Variants in PRKCE observed in about 807,000 individuals in gnomAD.
PRKCE encodes protein kinase C epsilon type.
Under a neutral mutation model 85.4 loss-of-function variants are expected in PRKCE, and 16 were observed. The ratio of observed to expected loss-of-function variants is 0.19; its 90% CI spans 0.13 to 0.28. The LOEUF is 0.28. PRKCE is among the 10% of genes least tolerant of loss of function. PRKCE has a pLI of 1.00. For missense variants in PRKCE, 573 were observed against 975.2 expected (o/e 0.59, Z 5.49); for synonymous variants, 388 against 371.5 (o/e 1.04, Z -0.51).
intron 6 of PRKCE, among the ~76,000 whole-genome samples, chr2:45,999,595 C>G (rs922981685): frequency 6.6e-6 from 1 of 151,552 alleles, no homozygotes; most frequent in Non-Finnish European, 1.5e-5. Flanking sequence ...TGGCATTTAT[C>G]CTGTGTGGTG....
At chr2:46,109,337 C>T (rs114310886) in intron 11 of PRKCE, among the ~76,000 whole-genome samples, 1 of 152,088 alleles carries the variant, frequency 6.6e-6, no homozygotes, top group South Asian at 2.1e-4. Context: ...CATGAAATAA[C>T]TCTTTATTTA....
chr2:45,689,127 C>G (rs1203661776), intron 1 of PRKCE, among the ~76,000 whole-genome samples: 1 of 152,180 alleles, frequency 6.6e-6, no homozygotes, highest in East Asian at 1.9e-4. Flanking sequence ...TTAGGGATCA[C>G]TTATTTGCTT....
chr2:46,136,800 A>G (rs1036330422), intron 11 of PRKCE, among the ~76,000 whole-genome samples: 2 of 152,182 alleles, frequency 1.3e-5, no homozygotes, highest in African/African-American at 4.8e-5. Context: ...GTCACTCCCC[A>G]GTCCCGGGGA....
chr2:45,718,564 G>C (rs1460301376), intron 1 of PRKCE, among the ~76,000 whole-genome samples: 1 of 151,996 alleles, frequency 6.6e-6, no homozygotes, highest in African/African-American at 2.4e-5. Context: ...GGATGGTCTT[G>C]ATCTCCTTAC....
intron 10 of PRKCE, chr2:46,073,769 T>C (rs1468411084): frequency 6.6e-6 from 1 of 152,074 alleles, no homozygotes; most frequent in East Asian, 1.9e-4. Context: ...TGTGGTTGAA[T>C]TTACCAGGCA....
In PRKCE at chr2:46,184,885, C is replaced by T; in HGVS notation, c.*4C>T. 3 of 1,599,650 alleles carry T rather than the reference C, an allele frequency of 1.9e-6. No homozygotes were observed. Among genetic ancestry groups the T allele is most frequent in the Non-Finnish European group, 2.5e-6 (3 of 1,179,882 alleles). On this transcript the variant is annotated 3_prime_UTR_variant, in exon 15 of 15. Transcript: ENST00000306156. The surrounding 1 kb of genome is among the most constrained non-coding windows in gnomAD (Gnocchi z 5.0). Reference sequence around the variant, plus strand: ...TGGTGAAGACCTGATGCCCTGAGAGCCCACTGCAGTTGGACTTTGCCGATG... The same window carrying T: ...TGGTGAAGACCTGATGCCCTGAGAGTCCACTGCAGTTGGACTTTGCCGATG...
At chr2:45,783,107 C>T (rs542886356) in intron 1 of PRKCE, among the ~76,000 whole-genome samples, 26 of 152,338 alleles carry the variant, frequency 1.7e-4, no homozygotes, top group Middle Eastern at 6.8e-3. Context: ...TGTGCACTCC[C>T]AGGCTGGTGC....
chr2:46,175,596 T>C (rs1276130416), intron 14 of PRKCE, among the ~76,000 whole-genome samples: 1 of 152,184 alleles, frequency 6.6e-6, no homozygotes, highest in Non-Finnish European at 1.5e-5. Context: ...GCCACAAAGT[T>C]AGTAACTGGA....
At chr2:46,037,129 T>G (rs1263088537) in intron 10 of PRKCE, among the ~76,000 whole-genome samples, 3 of 152,206 alleles carry the variant, frequency 2.0e-5, no homozygotes, top group Non-Finnish European at 4.4e-5. Flanking sequence ...ACTATCACTC[T>G]GCCAGGGCCC....
At chr2:46,021,271 G>C (rs1056655055) in intron 10 of PRKCE, among the ~76,000 whole-genome samples, 4 of 152,202 alleles carry the variant, frequency 2.6e-5, no homozygotes, top group Admixed American at 6.5e-5. Flanking sequence ...TACTCTGCTA[G>C]GCAAGGAGTT....
intron 2 of PRKCE, among the ~76,000 whole-genome samples, chr2:45,893,307 A>T (rs1479762220): frequency 1.3e-5 from 2 of 151,418 alleles, no homozygotes; most frequent in African/African-American, 2.4e-5. Flanking sequence ...GTTCCTCAGG[A>T]TCATCTCCCA....
In PRKCE at chr2:46,154,384, T is replaced by C. The variant is rs549615856; in HGVS notation, c.1920+3155T>C. ...GGGCCTCTCACTCCGAGAATGGTTC[T>C]TGCTACTCGTGGAAATTACTTCTGT... On this transcript the variant is annotated intron_variant, in intron 13 of 14. Transcript: ENST00000306156. Among the ~76,000 whole-genome samples the C allele has an allele frequency of 3.1e-3, 479 of 152,188 alleles. 3 individuals are homozygous for C. Among genetic ancestry groups the C allele is most frequent in the Middle Eastern group, 0.01 (3 of 292 alleles).
At chr2:45,805,828 G>T (rs1441145517) in intron 1 of PRKCE, among the ~76,000 whole-genome samples, 1 of 152,076 alleles carries the variant, frequency 6.6e-6, no homozygotes, top group Non-Finnish European at 1.5e-5. Flanking sequence ...TGAACCCCTG[G>T]CCTCAAGTGA....
intron 6 of PRKCE, among the ~76,000 whole-genome samples, chr2:45,993,194 T>G (rs531614343): frequency 6.6e-6 from 1 of 152,192 alleles, no homozygotes; most frequent in Non-Finnish European, 1.5e-5. Context: ...TTAATGCAAA[T>G]GCATCTCAGG....
intron 6 of PRKCE, among the ~76,000 whole-genome samples, chr2:45,989,626 C>T (rs1703634403): frequency 6.7e-6 from 1 of 148,368 alleles, no homozygotes; most frequent in Non-Finnish European, 1.5e-5. Flanking sequence ...GCCTGTCTCC[C>T]TCCTTCCTTC....
chr2:45,904,939 G>A (rs1393910073), intron 2 of PRKCE, among the ~76,000 whole-genome samples: 3 of 152,194 alleles, frequency 2.0e-5, no homozygotes, highest in African/African-American at 7.2e-5. Context: ...GGGGGTCCAC[G>A]TGTGAGGTCC....
chr2:46,173,596 C>T (rs1283346307), intron 14 of PRKCE, among the ~76,000 whole-genome samples: 1 of 152,250 alleles, frequency 6.6e-6, no homozygotes, highest in Non-Finnish European at 1.5e-5. Context: ...CCTGGGCCCT[C>T]CCTTTCTTCT....
chr2:45,946,263 A>T (rs923709978), intron 2 of PRKCE, among the ~76,000 whole-genome samples: 1 of 152,228 alleles, frequency 6.6e-6, no homozygotes, highest in African/African-American at 2.4e-5. Flanking sequence ...CCGGTCATCT[A>T]TGACTAACAG....
intron 10 of PRKCE, among the ~76,000 whole-genome samples, chr2:46,032,453 G>C (rs1342506452): frequency 6.6e-6 from 1 of 152,208 alleles, no homozygotes; most frequent in Non-Finnish European, 1.5e-5. Flanking sequence ...TTGCTGGCAG[G>C]ACTTGCCCTT....
Sources: allele counts gnomAD v4.1 joint callset (sites outside exome capture counted in the v4.1 genomes callset), GRCh38; gene constraint gnomAD v4.1.1; non-coding constraint Gnocchi (gnomAD v3.1); transcripts MANE v1.5; gene names NCBI Gene and HGNC (gene_info 2026-07-23, HGNC 2026-07-21).